NEK7: variants seen among roughly 807,000 people sequenced by gnomAD.
NEK7 encodes serine/threonine-protein kinase Nek7.
NEK7 carries 18 observed loss-of-function variants against 44.6 expected under a neutral mutation model. That is an observed-to-expected ratio of 0.40 (90% CI 0.28 to 0.60). The LOEUF (loss-of-function observed/expected upper bound fraction) is 0.60. Ranked by LOEUF, NEK7 falls within the 20% of genes least tolerant of loss-of-function variation. The pLI is 0.38. For missense variants in NEK7, 256 were observed against 366.5 expected (o/e 0.70, Z 2.46); for synonymous variants, 130 against 121.1 (o/e 1.07, Z -0.48).
At chr1:198,264,851 T>G (rs12024826) in intron 5 of NEK7, among the ~76,000 whole-genome samples, 20,961 of 152,046 alleles carry the variant, frequency 0.14, 2,113 homozygotes, top group East Asian at 0.57. Flanking sequence ...TACTTCTCTG[T>G]GTCACATTTT....
At chr1:198,231,369 A>T (rs1012830990) in intron 1 of NEK7, among the ~76,000 whole-genome samples, 1 of 144,996 alleles carries the variant, frequency 6.9e-6, no homozygotes, top group Admixed American at 7.0e-5. Context: ...TATGACAAAG[A>T]TGACCATAGC....
At chr1:198,205,753 G>C in intron 1 of NEK7, among the ~76,000 whole-genome samples, 1 of 151,882 alleles carries the variant, frequency 6.6e-6, no homozygotes, top group Non-Finnish European at 1.5e-5. Context: ...GGTACGTGGA[G>C]TCTATTTCTT....
chr1:198,168,120 GAA>G (rs1194415921), intron 1 of NEK7, among the ~76,000 whole-genome samples: 1 of 152,192 alleles, frequency 6.6e-6, no homozygotes, highest in African/African-American at 2.4e-5. Context: ...GCTTGACATA[GAA>G]AGTTTTCAAA....
intron 1 of NEK7, among the ~76,000 whole-genome samples, chr1:198,209,316 T>C (rs12119584): frequency 0.013 from 1,908 of 152,216 alleles, 20 homozygotes; most frequent in Middle Eastern, 0.038. Context: ...CATTTTATTA[T>C]GCAAAGTGAT....
At chr1:198,232,226 T>C (rs1331348129) in intron 1 of NEK7, among the ~76,000 whole-genome samples, 3 of 152,150 alleles carry the variant, frequency 2.0e-5, no homozygotes, top group African/African-American at 7.2e-5. Flanking sequence ...GAGCTTACTC[T>C]GTTACTTAGC....
intron 1 of NEK7, among the ~76,000 whole-genome samples, chr1:198,191,956 T>C (rs1259079233): frequency 6.6e-6 from 1 of 152,106 alleles, no homozygotes; most frequent in Non-Finnish European, 1.5e-5. Flanking sequence ...GTAGTTCCAA[T>C]GTTCTCCCTG....
At chr1:198,288,003 A>T (rs774261488) in intron 7 of NEK7, among the ~76,000 whole-genome samples, 16 of 152,188 alleles carry the variant, frequency 1.1e-4, no homozygotes, top group Non-Finnish European at 2.2e-4. Context: ...TCCAAGTGTG[A>T]TATATCCTCT....
intron 1 of NEK7, among the ~76,000 whole-genome samples, chr1:198,164,030 C>G (rs1246614191): frequency 6.6e-6 from 1 of 152,058 alleles, no homozygotes; most frequent in Admixed American, 6.5e-5. Flanking sequence ...TGCTTGAGCC[C>G]AGGAGTTTGA....
In NEK7 at chr1:198,269,262, T is replaced by G. The variant is rs1236922025; in HGVS notation, c.372+5027T>G. On this transcript the variant is annotated intron_variant, in intron 5 of 9. Transcript: ENST00000367385. ...CTATTACACTTCTCTGTTCCAGGGC[T>G]CAGTAGATAACATGGGTGGTTGTAT... 2.0e-5 allele frequency among the ~76,000 whole-genome samples: 3 copies of G among 152,258 alleles called. No homozygotes were observed. The East Asian group carries it at 5.8e-4, about 29-fold the overall frequency.
intron 1 of NEK7, among the ~76,000 whole-genome samples, chr1:198,229,450 G>A (rs954507336): frequency 2.0e-5 from 3 of 152,314 alleles, no homozygotes; most frequent in South Asian, 2.1e-4. Flanking sequence ...CCAACTTGAC[G>A]TGGGTTGGTC....
At chr1:198,219,567 G>A (rs1352321171) in intron 1 of NEK7, among the ~76,000 whole-genome samples, 4 of 150,498 alleles carry the variant, frequency 2.7e-5, no homozygotes, top group African/African-American at 9.7e-5. Flanking sequence ...GGAAGGGTGG[G>A]AGGGATGTGA....
intron 5 of NEK7, among the ~76,000 whole-genome samples, chr1:198,275,499 T>C (rs1653988954): frequency 7.1e-6 from 1 of 140,076 alleles, no homozygotes; most frequent in African/African-American, 2.7e-5. Flanking sequence ...TGGCATTAGA[T>C]TTTTTTTTTT....
chr1:198,240,669 A>G (rs939546704), intron 2 of NEK7, among the ~76,000 whole-genome samples: 1 of 151,174 alleles, frequency 6.6e-6, no homozygotes, highest in Admixed American at 6.6e-5. Context: ...CCAAAATGAG[A>G]TATATTCTTA....
intron 1 of NEK7, among the ~76,000 whole-genome samples, chr1:198,221,475 A>G (rs549180410): frequency 6.6e-6 from 1 of 151,842 alleles, no homozygotes; most frequent in South Asian, 2.1e-4. Flanking sequence ...TTTGACAAAA[A>G]TTATGATCAC....
At chr1:198,225,957 G>A (rs760161175) in intron 1 of NEK7, among the ~76,000 whole-genome samples, 69 of 151,890 alleles carry the variant, frequency 4.5e-4, no homozygotes, top group Admixed American at 1.9e-3. Context: ...CTTGACATGC[G>A]TACATGCATT....
At chr1:198,311,699 G>A (rs1425875767) in intron 9 of NEK7, among the ~76,000 whole-genome samples, 2 of 152,196 alleles carry the variant, frequency 1.3e-5, no homozygotes, top group African/African-American at 4.8e-5. Context: ...AGATAATCAT[G>A]TGGTTTTTCT....
intron 1 of NEK7, among the ~76,000 whole-genome samples, chr1:198,227,438 C>T (rs535489898): frequency 0.028 from 4,189 of 152,180 alleles, 184 homozygotes; most frequent in African/African-American, 0.095. Flanking sequence ...CCTGAGGAAT[C>T]GCCACACTGA....
chr1:198,170,986 A>C (rs1664422756), intron 1 of NEK7, among the ~76,000 whole-genome samples: 1 of 152,174 alleles, frequency 6.6e-6, no homozygotes, highest in Admixed American at 6.5e-5. Context: ...GCTGGTCTCA[A>C]ACTCTTGGCC....
intron 1 of NEK7, among the ~76,000 whole-genome samples, chr1:198,217,814 A>G (rs1665965783): frequency 6.6e-6 from 1 of 150,966 alleles, no homozygotes; most frequent in African/African-American, 2.4e-5. Flanking sequence ...TCAAATCAAG[A>G]ACACAATCCG....
Sources: gnomAD v4.1 joint callset for allele counts (sites outside exome capture counted in the v4.1 genomes callset) on GRCh38, gnomAD v4.1.1 for gene constraint, MANE v1.5 for transcripts, NCBI Gene and HGNC (gene_info 2026-07-23, HGNC 2026-07-21) for gene names.